The following HUWE1 variants were observed in gnomAD, a reference collection of about 807,000 sequenced individuals.
The protein encoded by HUWE1 is E3 ubiquitin-protein ligase HUWE1.
In HUWE1, 18 loss-of-function variants were observed where a neutral mutation model predicts 299.4. That is an observed-to-expected ratio of 0.06 (90% CI 0.04 to 0.09). The LOEUF (loss-of-function observed/expected upper bound fraction) is 0.09. Among genes scored for constraint, HUWE1 ranks in the 10% least tolerant of loss-of-function variants. The pLI is 1.00. For synonymous variants in HUWE1, 1,317 were observed against 1,286.1 expected, an observed-to-expected ratio of 1.02 and a Z score of -0.51; for missense variants, 1,832 against 3,462.3, an observed-to-expected ratio of 0.53 and a Z score of 11.82.
intron 63 of HUWE1, 140 bp downstream of exon 63, chrX:53,552,171 A>G: frequency 1.5e-6 from 1 of 664,969 alleles, no homozygotes; most frequent in Non-Finnish European, 2.4e-6. Flanking sequence ...ATGCCATACC[A>G]GCACCCCCGC....
At chrX:53,583,027 T>C (rs2063697163) in intron 42 of HUWE1, among the ~76,000 whole-genome samples, 1 of 112,564 alleles carries the variant, frequency 8.9e-6, no homozygotes, top group Non-Finnish European at 1.9e-5. Flanking sequence ...TTGCTATTTC[T>C]TCCACTGGTT....
chrX:53,628,569 A>T lies in HUWE1; in HGVS notation c.1166T>A (p.Phe389Tyr). The change falls in exon 15 of 84, where the codon TTT (phenylalanine) becomes TAT (tyrosine). Residue 389 changes from phenylalanine to tyrosine, a missense_variant. By Grantham distance (22) the Phe-to-Tyr change is conservative. This residue lies in a region of HUWE1 where 658 missense variants were observed against 1,282.6 expected (regional missense o/e 0.51). Coordinates refer to ENST00000262854, the MANE Select transcript of HUWE1 (RefSeq NM_031407.7). ...ATCGTAGCTGGCCAGATGGTATAAA[A>T]AAGAGAAGAGAGCAGTGGCAAACTG... Reference protein sequence around the residue: ...PHQFATALFSFLYHLASYDAG... With the variant: ...PHQFATALFSYLYHLASYDAG... The T allele has an allele frequency of 8.6e-7, 1 of 1,166,625 alleles. No homozygotes were observed. The highest frequency in any genetic ancestry group is 1.1e-6 in the Non-Finnish European group (1 of 871,977).
chrX:53,657,968 G>A (rs2068824822), intron 3 of HUWE1, among the ~76,000 whole-genome samples: 1 of 105,279 alleles, frequency 9.5e-6, no homozygotes, highest in African/African-American at 3.5e-5. Flanking sequence ...AGAATGGCAT[G>A]AGCCTGGGAG....
intron 37 of HUWE1, 62 bp downstream of exon 37, chrX:53,588,320 T>A: frequency 9.0e-7 from 1 of 1,108,543 alleles, no homozygotes. Context: ...GCCTCATATA[T>A]GTTAAGTGTT....
Position 53,624,368 on chromosome X carries a change from G to C in HUWE1, c.1672+227C>G, listed in dbSNP as rs191712927. On this transcript the variant is annotated intron_variant, in intron 19 of 83. Transcript: ENST00000262854. ...AAAAATTAGCCAGGCATGGTGGCAG[G>C]CACCTCTAATCCCAGCTACTCGGGA... 9.3e-4 allele frequency among the ~76,000 whole-genome samples: 104 copies of C among 112,049 alleles called. 1 individual carries two copies. Among genetic ancestry groups the C allele is most frequent in the African/African-American group, 3.2e-3 (99 of 30,793 alleles).
chrX:53,625,061 T>A lies in HUWE1; in HGVS notation c.1591+96A>T, dbSNP rs193042756. ...AAATGGCATGGCCTTTACCAAAGACTGCCTTGTAAAACAACAGGTGCCAGA... is the reference window on the plus strand; with the variant it reads ...AAATGGCATGGCCTTTACCAAAGACAGCCTTGTAAAACAACAGGTGCCAGA... On this transcript the variant is annotated intron_variant, in intron 18 of 83. Coordinates refer to ENST00000262854, the MANE Select transcript of HUWE1 (RefSeq NM_031407.7). 9 of 587,966 alleles carry A rather than the reference T, an allele frequency of 1.5e-5. No homozygotes were observed. In the East Asian group the frequency reaches 2.9e-4, roughly 19 times the overall value. The allele number at this position is 587,966 out of a possible 1,213,427, so 48.5% of individuals were successfully genotyped here. A position where few individuals can be genotyped will look rare whatever the true frequency, so the allele number is the denominator to read the frequency against.
intron 19 of HUWE1, among the ~76,000 whole-genome samples, chrX:53,619,976 G>C (rs908238180): frequency 1.8e-5 from 2 of 111,669 alleles, no homozygotes; most frequent in African/African-American, 6.5e-5. Flanking sequence ...CCATACCAGA[G>C]GTAAACACTC....
At chrX:53,662,830 A>G (rs782117412) in intron 3 of HUWE1, among the ~76,000 whole-genome samples, 1 of 111,908 alleles carries the variant, frequency 8.9e-6, no homozygotes, top group African/African-American at 3.2e-5. Context: ...GCCGGGTACA[A>G]TGGCTCAAGC....
At chrX:53,632,586 G>A (rs1217801646) in intron 8 of HUWE1, 22 bp from the exon 9 acceptor site, 2 of 1,080,217 alleles carry the variant, frequency 1.9e-6, no homozygotes, top group Non-Finnish European at 2.6e-6. Flanking sequence ...GCACATCAAA[G>A]AATCAGACAT....
intron 8 of HUWE1, among the ~76,000 whole-genome samples, chrX:53,633,969 A>G (rs1557024658): frequency 8.9e-6 from 1 of 111,909 alleles, no homozygotes; most frequent in South Asian, 3.7e-4. Flanking sequence ...AATTAATTCA[A>G]CAAATACAGC....
At chrX:53,674,254 T>C (rs2069700356) in intron 3 of HUWE1, among the ~76,000 whole-genome samples, 1 of 111,707 alleles carries the variant, frequency 9.0e-6, no homozygotes, top group East Asian at 2.8e-4. Context: ...ACTACCCTTA[T>C]CATTAAGATG....
chrX:53,661,007 G>A (rs2068973609), intron 3 of HUWE1, among the ~76,000 whole-genome samples: 2 of 109,579 alleles, frequency 1.8e-5, no homozygotes, highest in Admixed American at 1.9e-4. Context: ...TGACTACCAA[G>A]TCCATGCTTT....
Position 53,533,294 on chromosome X carries a change from T to C in HUWE1, c.*15A>G, listed in dbSNP as rs376024863. 2 of 1,120,894 alleles carry C rather than the reference T, an allele frequency of 1.8e-6. No individual in the cohort carries two copies. The highest frequency in any genetic ancestry group is 1.2e-6 in the Non-Finnish European group (1 of 816,327). The allele number at this position is 1,120,894 out of a possible 1,213,427, so 92.4% of individuals were successfully genotyped here. A position where few individuals can be genotyped will look rare whatever the true frequency, so the allele number is the denominator to read the frequency against. On this transcript the variant is annotated 3_prime_UTR_variant, in exon 84 of 84. Transcript: ENST00000262854. Reference sequence around the variant, plus strand: ...CAATGGTAAAAAAAACCCCACGGAGTTGGGCAGGGCCTTATTAGGCCAGCC... The same window carrying C: ...CAATGGTAAAAAAAACCCCACGGAGCTGGGCAGGGCCTTATTAGGCCAGCC...
Position 53,548,213 on chromosome X carries a change from C to G in HUWE1, c.10096G>C (p.Glu3366Gln). Residue 3366 changes from glutamate to glutamine, a missense_variant, in exon 68 of 84, where the codon GAA becomes CAA. This residue lies in a region of HUWE1 where 80 missense variants were observed against 142.1 expected (regional missense o/e 0.56). Coordinates refer to ENST00000262854, the MANE Select transcript of HUWE1 (RefSeq NM_031407.7). ...TKETNCESDR[E>Q]RGNKACSPCS... ...GGGCTACAGGCCTTATTGCCCCTTT[C>G]CCGATCACTCTCACAGTTTGTTTCT... is the stretch of plus-strand genomic sequence containing the variant. The G allele has an allele frequency of 8.3e-7, 1 of 1,209,936 alleles. No individual in the cohort carries two copies. The highest frequency in any genetic ancestry group is 1.1e-6 in the Non-Finnish European group (1 of 894,459).
At position 53,560,351 on chromosome X, in the gene HUWE1, G is replaced by T; in HGVS notation, c.7573C>A (p.His2525Asn). 1 of 1,211,601 alleles carries T rather than the reference G, an allele frequency of 8.3e-7. No homozygotes were observed. Among genetic ancestry groups the T allele is most frequent in the Non-Finnish European group, 1.1e-6 (1 of 895,427 alleles). ...CCACTGCCCAGTGTCAGAGAACTGT[G>T]GTCTGCATGGCGCACCATCAGTGGA... Reference protein sequence around the residue: ...THPLMVRHADHSSLTLGSGSS... With the variant: ...THPLMVRHADNSSLTLGSGSS... The change falls in exon 56 of 84, where the codon CAC (histidine) becomes AAC (asparagine). Residue 2525 changes from histidine to asparagine, a missense_variant. His to Asn is a moderately conservative substitution (Grantham distance 68, BLOSUM62 1). Coordinates refer to ENST00000262854, the MANE Select transcript of HUWE1 (RefSeq NM_031407.7).
intron 19 of HUWE1, among the ~76,000 whole-genome samples, chrX:53,623,565 C>T (rs1403637504): frequency 9.0e-6 from 1 of 111,403 alleles, no homozygotes; most frequent in Admixed American, 9.5e-5. Context: ...GCTTTTCCCT[C>T]TAAATTCAGG....
At chrX:53,626,081 C>A in intron 17 of HUWE1, 1 of 347,991 alleles carries the variant, frequency 2.9e-6, no homozygotes. Context: ...TAAAAGGTAC[C>A]ACAAAAAGAA....
chrX:53,538,151 G>T (rs1402859529), intron 77 of HUWE1, among the ~76,000 whole-genome samples, 186 bp downstream of exon 77: 3 of 111,253 alleles, frequency 2.7e-5, no homozygotes, highest in Non-Finnish European at 5.7e-5. Context: ...CAGATGGGGT[G>T]GAGAAGCCCA....
chrX:53,533,824 C>A (rs1379182415), intron 83 of HUWE1, 183 bp downstream of exon 83: 1 of 495,853 alleles, frequency 2.0e-6, no homozygotes, highest in Non-Finnish European at 3.6e-6. Flanking sequence ...GTCTCCCCAG[C>A]CCCCACTGTG....
Sources: allele counts gnomAD v4.1 joint callset (sites outside exome capture counted in the v4.1 genomes callset), GRCh38; gene constraint gnomAD v4.1.1; regional missense constraint gnomAD v4.1.1; transcripts MANE v1.5; gene names NCBI Gene and HGNC (gene_info 2026-07-23, HGNC 2026-07-21).